Variants in NAMPT observed in about 807,000 individuals in gnomAD.
NAMPT encodes NAmPRTase.
A neutral mutation model predicts 58.7 loss-of-function variants in NAMPT; 7 were observed. The ratio of observed to expected loss-of-function variants is 0.12; its 90% confidence interval spans 0.07 to 0.22. The LOEUF is 0.22. Among genes scored for constraint, NAMPT ranks in the 10% least tolerant of loss-of-function variants. The pLI is 1.00. For synonymous variants in NAMPT, 145 were observed against 198.1 expected, an observed-to-expected ratio of 0.73 and a Z score of 2.25; for missense variants, 271 against 567.9, an observed-to-expected ratio of 0.48 and a Z score of 5.31.
At chr7:106,273,457 T>C (rs1389635528) in intron 3 of NAMPT, among the ~76,000 whole-genome samples, 1 of 152,198 alleles carries the variant, frequency 6.6e-6, no homozygotes, top group South Asian at 2.1e-4. Flanking sequence ...ATACAAGCAC[T>C]GGAGGCACAG....
intron 4 of NAMPT, 124 bp downstream of exon 4, chr7:106,272,406 C>T: frequency 2.5e-6 from 2 of 798,746 alleles, no homozygotes; most frequent in East Asian, 3.0e-5. Context: ...AAATTGAAGC[C>T]TGGAAAGGTT....
intron 1 of NAMPT, among the ~76,000 whole-genome samples, chr7:106,282,536 C>T (rs1792786981): frequency 6.6e-6 from 1 of 152,176 alleles, no homozygotes; most frequent in Non-Finnish European, 1.5e-5. Flanking sequence ...AATAGAGGAA[C>T]CACAGTCGTC....
At chr7:106,258,242 T>C (rs1432159878) in intron 8 of NAMPT, among the ~76,000 whole-genome samples, 1 of 152,190 alleles carries the variant, frequency 6.6e-6, no homozygotes, top group African/African-American at 2.4e-5. Flanking sequence ...ACGCCTCATA[T>C]TGGAACTCTA....
intron 4 of NAMPT, chr7:106,271,985 G>A (rs957983177): frequency 3.2e-5 from 7 of 217,886 alleles, no homozygotes; most frequent in Admixed American, 1.3e-4. Context: ...AAAAAGGCTC[G>A]CAGTATAAAC....
At chr7:106,280,227 G>T (rs540506003) in intron 1 of NAMPT, among the ~76,000 whole-genome samples, 4 of 152,152 alleles carry the variant, frequency 2.6e-5, no homozygotes, top group African/African-American at 9.7e-5. Flanking sequence ...TGGAGGTAAA[G>T]GGGAACTACG....
chr7:106,268,099 T>A (rs772473552), intron 6 of NAMPT, among the ~76,000 whole-genome samples: 5 of 151,984 alleles, frequency 3.3e-5, no homozygotes, highest in Admixed American at 6.6e-5. Context: ...GATAAGGTCA[T>A]GTAGGAGGAC....
intron 6 of NAMPT, among the ~76,000 whole-genome samples, chr7:106,265,609 A>T (rs115318131): frequency 0.021 from 3,062 of 148,458 alleles, 97 homozygotes; most frequent in African/African-American, 0.073. Context: ...GAGGGTTTCC[A>T]GTATCTGTAT....
At chr7:106,280,491 G>A (rs913338250) in intron 1 of NAMPT, among the ~76,000 whole-genome samples, 3 of 152,122 alleles carry the variant, frequency 2.0e-5, no homozygotes, top group Admixed American at 1.3e-4. Context: ...TATTACTAAA[G>A]AAAATGGTTC....
In NAMPT at chr7:106,250,091, A is replaced by T. The variant is rs1435247217; in HGVS notation, c.*992T>A. 11 of 152,504 alleles carry T rather than the reference A, an allele frequency of 7.2e-5. No individual in the cohort carries two copies. Among genetic ancestry groups the T allele is most frequent in the African/African-American group, 1.7e-4 (7 of 41,454 alleles). The allele number at this position is 152,504 out of a possible 1,614,324, so 9.4% of individuals were successfully genotyped here. On this transcript the variant is annotated 3_prime_UTR_variant, in exon 11 of 11. Coordinates refer to ENST00000222553, the MANE Select transcript of NAMPT (RefSeq NM_005746.3). ...TTTTTAAAAACTTAATAAAAAATAT[A>T]ACAGAATTGAAACATTTAAGTACAC...
At position 106,249,791 on chromosome 7, in the gene NAMPT, A is replaced by G. The variant is rs1168777384; in HGVS notation, c.*1292T>C. ...GTTGGCCAACCGCTGCCTCAGAAGA[A>G]CAGATCTACATACATAAAAGAATCA... On this transcript the variant is annotated 3_prime_UTR_variant, in exon 11 of 11. Coordinates refer to ENST00000222553, the MANE Select transcript of NAMPT (RefSeq NM_005746.3). The G allele has an allele frequency of 6.6e-6, 1 of 151,860 alleles. No homozygotes were observed. Among genetic ancestry groups the G allele is most frequent in the Non-Finnish European group, 1.5e-5 (1 of 67,896 alleles). 9.4% of individuals were successfully genotyped at this position (151,860 alleles called of 1,614,324 possible).
chr7:106,273,196 A>C (rs1792570714), intron 3 of NAMPT, among the ~76,000 whole-genome samples: 2 of 152,248 alleles, frequency 1.3e-5, no homozygotes, highest in Admixed American at 1.3e-4. Flanking sequence ...CGTGGACCTG[A>C]AACTATGAGA....
At chr7:106,273,982 G>A (rs1427509277) in intron 3 of NAMPT, among the ~76,000 whole-genome samples, 3 of 151,510 alleles carry the variant, frequency 2.0e-5, no homozygotes, top group African/African-American at 4.9e-5. Context: ...ATCAAGATAC[G>A]CCAACAGATT....
chr7:106,267,255 A>C (rs746686436), intron 6 of NAMPT, among the ~76,000 whole-genome samples: 1 of 148,754 alleles, frequency 6.7e-6, no homozygotes, highest in South Asian at 2.1e-4. Flanking sequence ...ACGAGGAGTT[A>C]ACCAACAGAG....
chr7:106,257,302 G>C (rs1792218910), intron 8 of NAMPT, among the ~76,000 whole-genome samples: 2 of 151,560 alleles, frequency 1.3e-5, no homozygotes, highest in South Asian at 4.2e-4. Flanking sequence ...GTACAGTTTT[G>C]GGCTGATTCT....
At chr7:106,261,097 T>C (rs1221698532) in intron 8 of NAMPT, among the ~76,000 whole-genome samples, 2 of 152,134 alleles carry the variant, frequency 1.3e-5, no homozygotes, top group Non-Finnish European at 2.9e-5. Context: ...CAAAGCACAA[T>C]AAAATGAGGT....
rs1384491107 is a variant in NAMPT at position 106,254,461 on chromosome 7, A to G, written c.1133T>C (p.Ile378Thr). Residue 378 changes from isoleucine (I) to threonine (T), a missense_variant, in exon 9 of 11, where the codon ATT becomes ACT. Coordinates refer to ENST00000222553, the MANE Select transcript of NAMPT (RefSeq NM_005746.3). ...MKQKMWSIEN[I>T]AFGSGGGLLQ... ...CAAACCTCCACCAGAACCGAAGGCA[A>G]TATTTTCAATACTCCACATTTTTTG... 8 of 1,613,918 alleles carry G rather than the reference A, an allele frequency of 5.0e-6. No homozygotes were observed. Among genetic ancestry groups the G allele is most frequent in the African/African-American group, 1.3e-5 (1 of 75,040 alleles).
rs1562817501 is a variant in NAMPT, at chr7:106,272,579, G to A, written c.398C>T (p.Thr133Met). 2.5e-6 allele frequency: 4 copies of A among 1,611,420 alleles called. No homozygotes were observed. Among genetic ancestry groups the A allele is most frequent in the Admixed American group, 1.7e-5 (1 of 59,938 alleles). Residue 133 changes from threonine to methionine, a missense_variant, in exon 4 of 11, where the codon ACG (threonine) becomes ATG (methionine). By Grantham distance (81) the Thr-to-Met change is moderately conservative. This residue lies in a region of NAMPT where 103 missense variants were observed against 194.2 expected (regional missense o/e 0.53). Transcript: ENST00000222553. ...FVIPRGNVLF[T>M]VENTDPECYW... Reference sequence around the variant, plus strand: ...ACACTCTGGATCTGTGTTTTCCACCGTGAAGAGAACATTTCCTCTGGGAAT... The same window carrying A: ...ACACTCTGGATCTGTGTTTTCCACCATGAAGAGAACATTTCCTCTGGGAAT...
Position 106,253,059 on chromosome 7 carries a change from A to G in NAMPT, c.1323T>C (p.Val441=). 1 of 1,613,428 alleles carries G rather than the reference A, an allele frequency of 6.2e-7. No individual in the cohort carries two copies. ...SLHRTPAGNF[V]TLEEGKGDLE... ...GGTCTCCTTTTCCTTCCTCCAGTGT[A>G]ACAAAATTCCCTGCTGGCGTCCTAT... Residue 441 remains valine (V), a synonymous_variant, in exon 10 of 11, where the codon GTT becomes GTC. Coordinates refer to ENST00000222553, the MANE Select transcript of NAMPT (RefSeq NM_005746.3).
At chr7:106,272,442 C>A in intron 4 of NAMPT, 88 bp downstream of exon 4, 1 of 1,227,846 alleles carries the variant, frequency 8.1e-7, no homozygotes, top group South Asian at 1.5e-5. Context: ...GATTATATAG[C>A]TTTATTAGTA....
Sources: gnomAD v4.1 joint callset for allele counts (sites outside exome capture counted in the v4.1 genomes callset) on GRCh38, gnomAD v4.1.1 for gene constraint, gnomAD v4.1.1 regional missense constraint, MANE v1.5 for transcripts, NCBI Gene and HGNC (gene_info 2026-07-23, HGNC 2026-07-21) for gene names.